Variants in PPM1L observed in about 807,000 individuals in gnomAD.
The protein encoded by PPM1L is protein phosphatase 1L.
Under a neutral mutation model 31.4 loss-of-function variants are expected in PPM1L, and 13 were observed. The observed-to-expected ratio is 0.41, with a 90% CI of 0.27 to 0.66. The LOEUF (loss-of-function observed/expected upper bound fraction) is 0.66. PPM1L is among the 30% of genes least tolerant of loss of function. The pLI, the probability that PPM1L is intolerant of heterozygous loss-of-function variation, is 0.29. For missense variants in PPM1L, 326 were observed against 453.7 expected, an observed-to-expected ratio of 0.72 and a Z score of 2.56; for synonymous variants, 184 against 175.4, an observed-to-expected ratio of 1.05 and a Z score of -0.39.
intron 1 of PPM1L, among the ~76,000 whole-genome samples, chr3:160,848,842 A>G (rs1172227843): frequency 2.6e-5 from 4 of 152,356 alleles, no homozygotes; most frequent in East Asian, 3.9e-4. Context: ...ATGAAAGTAT[A>G]CCATCTACTC....
chr3:160,786,185 G>A lies in PPM1L; in HGVS notation c.399+29478G>A, dbSNP rs865817504. Among the ~76,000 whole-genome samples, 360 of 62,384 alleles carry A rather than the reference G, an allele frequency of 5.8e-3. 2 individuals are homozygous for A. Among genetic ancestry groups the A allele is most frequent in the African/African-American group, 0.028 (253 of 8,918 alleles). 40.9% of individuals were successfully genotyped at this position (62,384 alleles called of 152,430 possible). ...TGTGTGTGTGTGTGTGTGTGTGTGTGTGTATATATATATATATATATATTT... is the reference window on the plus strand; with the variant it reads ...TGTGTGTGTGTGTGTGTGTGTGTGTATGTATATATATATATATATATATTT... On this transcript the variant is annotated intron_variant, in intron 1 of 3. Transcript: ENST00000498165.
At chr3:160,847,230 G>C (rs886358595) in intron 1 of PPM1L, among the ~76,000 whole-genome samples, 1 of 152,036 alleles carries the variant, frequency 6.6e-6, no homozygotes, top group Non-Finnish European at 1.5e-5. Context: ...CTTATTCAAG[G>C]TCACATATAT....
At chr3:160,788,574 C>T (rs1188123669) in intron 1 of PPM1L, among the ~76,000 whole-genome samples, 8 of 151,826 alleles carry the variant, frequency 5.3e-5, no homozygotes. Context: ...TAGATCAAAA[C>T]AAATCTTATG....
chr3:161,040,856 A>G (rs1298001406), intron 2 of PPM1L, among the ~76,000 whole-genome samples: 1 of 152,218 alleles, frequency 6.6e-6, no homozygotes, highest in Non-Finnish European at 1.5e-5. Flanking sequence ...AGAAAATAAA[A>G]TTATTTTATC....
At chr3:160,904,147 CT>C (rs2108056717) in intron 1 of PPM1L, among the ~76,000 whole-genome samples, 1 of 152,182 alleles carries the variant, frequency 6.6e-6, no homozygotes, top group African/African-American at 2.4e-5. Context: ...CTAAAACCCT[CT>C]TCAGAAGCAA....
At chr3:160,880,879 A>G (rs769742786) in intron 1 of PPM1L, among the ~76,000 whole-genome samples, 9 of 152,174 alleles carry the variant, frequency 5.9e-5, no homozygotes, top group Non-Finnish European at 8.8e-5. Flanking sequence ...AGTCTCTCAC[A>G]GTGATACACA....
intron 2 of PPM1L, among the ~76,000 whole-genome samples, chr3:161,046,128 A>AAAAAAAAAAAAAAAAAG (rs1316224635): frequency 6.7e-6 from 1 of 149,866 alleles, no homozygotes; most frequent in Non-Finnish European, 1.5e-5. Flanking sequence ...AAAAAAAAAA[A>AAAAAAAAAAAAAAAAAG]AAAAAATCAA....
chr3:160,767,134 T>C (rs1239068293), intron 1 of PPM1L, among the ~76,000 whole-genome samples: 1 of 152,182 alleles, frequency 6.6e-6, no homozygotes, highest in Non-Finnish European at 1.5e-5. Flanking sequence ...AGGCTGTATT[T>C]CTGAGACTCA....
At chr3:160,910,678 AG>A (rs1713942326) in intron 1 of PPM1L, among the ~76,000 whole-genome samples, 1 of 152,160 alleles carries the variant, frequency 6.6e-6, no homozygotes, top group Admixed American at 6.5e-5. Flanking sequence ...TTTTAAACCC[AG>A]TTATTTCCTG....
chr3:161,076,857 T>C lies in PPM1L; in HGVS notation c.*7700T>C, dbSNP rs1720117568. 1 of 152,230 alleles carries C rather than the reference T, an allele frequency of 6.6e-6. No homozygotes were observed. Among genetic ancestry groups the C allele is most frequent in the African/African-American group, 2.4e-5 (1 of 41,458 alleles). The allele number at this position is 152,230 out of a possible 1,614,324, so 9.4% of individuals were successfully genotyped here. A position where few individuals can be genotyped will look rare whatever the true frequency, so the allele number is the denominator to read the frequency against. On this transcript the variant is annotated 3_prime_UTR_variant, in exon 4 of 4. Coordinates refer to ENST00000498165, the MANE Select transcript of PPM1L (RefSeq NM_139245.4). ...TGTATAAGGAAAATGTATGAGTTTT[T>C]TTCTTAAAAATAAATAGAAGCATCA... is the stretch of plus-strand genomic sequence containing the variant.
chr3:160,812,354 G>T (rs1011505941), intron 1 of PPM1L, among the ~76,000 whole-genome samples: 2 of 152,134 alleles, frequency 1.3e-5, no homozygotes, highest in African/African-American at 4.8e-5. Flanking sequence ...TTAGACAAGG[G>T]ATTTAAACCA....
chr3:160,911,835 C>G (rs142755518), intron 1 of PPM1L, among the ~76,000 whole-genome samples: 1,726 of 152,250 alleles, frequency 0.011, 17 homozygotes, highest in Non-Finnish European at 0.019. Flanking sequence ...TTAACTGTAC[C>G]ACTTCCTAAC....
At chr3:160,940,693 T>C (rs1300296780) in intron 1 of PPM1L, among the ~76,000 whole-genome samples, 1 of 152,240 alleles carries the variant, frequency 6.6e-6, no homozygotes, top group Non-Finnish European at 1.5e-5. Flanking sequence ...TGAAACTGCC[T>C]GGATGCCCAG....
intron 1 of PPM1L, among the ~76,000 whole-genome samples, chr3:160,911,330 A>G (rs910049752): frequency 2.0e-5 from 3 of 152,156 alleles, no homozygotes; most frequent in Non-Finnish European, 4.4e-5. Flanking sequence ...GGAGATTTTG[A>G]GGGGTAGCCA....
intron 1 of PPM1L, among the ~76,000 whole-genome samples, chr3:160,772,425 C>G (rs1240471320): frequency 2.6e-5 from 4 of 152,172 alleles, no homozygotes; most frequent in African/African-American, 9.7e-5. Flanking sequence ...GGTGTTCCTC[C>G]TTTAGCAAAA....
chr3:160,961,948 CA>C, intron 2 of PPM1L, 38 bp downstream of exon 2: 13 of 1,485,754 alleles, frequency 8.7e-6, no homozygotes, highest in Admixed American at 2.4e-5. Context: ...TTTTTCCTTG[CA>C]AAAAAAATTC....
intron 1 of PPM1L, among the ~76,000 whole-genome samples, chr3:160,787,004 T>C (rs1437290146): frequency 6.6e-6 from 1 of 152,204 alleles, no homozygotes; most frequent in Non-Finnish European, 1.5e-5. Context: ...CTATCCATCA[T>C]TGAGGGGCAT....
chr3:160,763,065 TA>T (rs1414625920), intron 1 of PPM1L, among the ~76,000 whole-genome samples: 1 of 152,226 alleles, frequency 6.6e-6, no homozygotes, highest in Non-Finnish European at 1.5e-5. Context: ...AGAATGATTC[TA>T]AAAAGATTTA....
chr3:160,919,268 T>G (rs1202481231), intron 1 of PPM1L, among the ~76,000 whole-genome samples: 1 of 152,224 alleles, frequency 6.6e-6, no homozygotes, highest in Non-Finnish European at 1.5e-5. Context: ...TTCTGCCTTT[T>G]CCTCTCCATC....
Sources: gnomAD v4.1 joint callset for allele counts (sites outside exome capture counted in the v4.1 genomes callset) on GRCh38, gnomAD v4.1.1 for gene constraint, MANE v1.5 for transcripts, NCBI Gene and HGNC (gene_info 2026-07-23, HGNC 2026-07-21) for gene names.